The following SOS1 variants were observed in gnomAD, a reference collection of about 807,000 sequenced individuals.
SOS1 encodes son of sevenless homolog 1.
SOS1 carries 25 observed loss-of-function variants against 157.6 expected under a neutral mutation model. That is an observed-to-expected ratio of 0.16 (90% CI 0.12 to 0.22). The LOEUF (loss-of-function observed/expected upper bound fraction) is 0.22. Among genes scored for constraint, SOS1 ranks in the 10% least tolerant of loss-of-function variants. SOS1 has a pLI of 1.00. For missense variants in SOS1, 1,237 were observed against 1,599.1 expected (o/e 0.77, Z 3.86); for synonymous variants, 528 against 534.0 (o/e 0.99, Z 0.16).
At chr2:39,089,692 A>C (rs934256439) in intron 1 of SOS1, among the ~76,000 whole-genome samples, 3 of 152,184 alleles carry the variant, frequency 2.0e-5, no homozygotes, top group African/African-American at 7.2e-5. Flanking sequence ...GAGGGCAGTG[A>C]CTGTCTCACT....
intron 1 of SOS1, among the ~76,000 whole-genome samples, chr2:39,069,672 C>T (rs893082766): frequency 1.3e-5 from 2 of 152,004 alleles, no homozygotes; most frequent in African/African-American, 4.8e-5. Context: ...CTCCGCCTCC[C>T]TAGTAGCTGG....
chr2:38,987,841 A>G (rs1668600415), intron 21 of SOS1: 1 of 434,888 alleles, frequency 2.3e-6, no homozygotes, highest in Non-Finnish European at 4.2e-6. Flanking sequence ...GAACAAAATA[A>G]CATTCCCATG....
Position 38,987,458 on chromosome 2 carries a change from G to C in SOS1, c.3510+15C>G, listed in dbSNP as rs1251219074. The C allele has an allele frequency of 1.5e-6, 2 of 1,320,758 alleles. No individual in the cohort carries two copies. Among genetic ancestry groups the C allele is most frequent in the Admixed American group, 1.7e-5 (1 of 57,426 alleles). 81.8% of individuals were successfully genotyped at this position (1,320,758 alleles called of 1,614,324 possible). ...AATGATTCCAATTTCTACACAACAA[G>C]ATTTCTTACTTTACCTTAGATGGTG... On this transcript the variant is annotated intron_variant, in intron 22 of 22. Transcript: ENST00000402219.
At chr2:39,112,002 TA>T (rs1673455742) in intron 1 of SOS1, among the ~76,000 whole-genome samples, 1 of 151,924 alleles carries the variant, frequency 6.6e-6, no homozygotes, top group Non-Finnish European at 1.5e-5. Context: ...TCTGGAATCT[TA>T]AAACTCCAAA....
chr2:38,988,411 CTT>C (rs1572798239), intron 21 of SOS1, among the ~76,000 whole-genome samples: 1 of 151,984 alleles, frequency 6.6e-6, no homozygotes, highest in African/African-American at 2.4e-5. Context: ...GAAAACAACA[CTT>C]AAGTTAGTTG....
chr2:38,996,365 C>G (rs1485268635), intron 19 of SOS1, among the ~76,000 whole-genome samples: 1 of 152,220 alleles, frequency 6.6e-6, no homozygotes, highest in Non-Finnish European at 1.5e-5. Context: ...GTTGGGATTA[C>G]AGGCACGAGC....
intron 5 of SOS1, among the ~76,000 whole-genome samples, chr2:39,054,103 A>G (rs1439074712): frequency 6.6e-6 from 1 of 151,906 alleles, no homozygotes; most frequent in Non-Finnish European, 1.5e-5. Context: ...AATTTTTTGT[A>G]TTTTTAGTAG....
At chr2:39,121,481 T>TC (rs1673893657), upstream of SOS1, among the ~76,000 whole-genome samples, 4 of 152,222 alleles carry the variant, frequency 2.6e-5, no homozygotes, top group African/African-American at 9.6e-5. Context: ...GTAGAAGTGA[T>TC]TGCGGTGTTT....
intron 6 of SOS1, among the ~76,000 whole-genome samples, chr2:39,037,783 AG>A (rs1670408237): frequency 6.6e-6 from 1 of 152,152 alleles, no homozygotes; most frequent in African/African-American, 2.4e-5. Context: ...TGAAAATCCT[AG>A]GGCCCTTAAG....
chr2:39,084,510 A>T (rs1672306437), intron 1 of SOS1, among the ~76,000 whole-genome samples: 1 of 152,164 alleles, frequency 6.6e-6, no homozygotes, highest in South Asian at 2.1e-4. Flanking sequence ...TGTGAAGAGA[A>T]GAGAAGAAAA....
chr2:39,054,079 C>A (rs1307728248), intron 5 of SOS1, among the ~76,000 whole-genome samples: 2 of 152,170 alleles, frequency 1.3e-5, no homozygotes, highest in Non-Finnish European at 2.9e-5. Flanking sequence ...AGACGCTCGC[C>A]ACCACGCCCG....
At chr2:39,108,744 T>C (rs1042443931) in intron 1 of SOS1, among the ~76,000 whole-genome samples, 2 of 151,982 alleles carry the variant, frequency 1.3e-5, no homozygotes, top group Admixed American at 6.6e-5. Flanking sequence ...TTTTTAAAAA[T>C]TAGCCAGGAG....
Position 39,010,376 on chromosome 2 carries a change from A to C in SOS1, c.2510+208T>G, listed in dbSNP as rs146734052. On this transcript the variant is annotated intron_variant, in intron 15 of 22. Transcript: ENST00000402219. Reference sequence around the variant, plus strand: ...TAAAATTAGGTGAGTGTGATATCACACACTTGTAATCCTGGTTACTCTGGA... The same window carrying C: ...TAAAATTAGGTGAGTGTGATATCACCCACTTGTAATCCTGGTTACTCTGGA... 5.3e-5 allele frequency among the ~76,000 whole-genome samples: 8 copies of C among 151,880 alleles called. No homozygotes were observed. The East Asian group carries it at 1.5e-3, about 29-fold the overall frequency.
chr2:39,036,400 G>C (rs1439514991), intron 6 of SOS1, among the ~76,000 whole-genome samples: 1 of 152,098 alleles, frequency 6.6e-6, no homozygotes, highest in Non-Finnish European at 1.5e-5. Flanking sequence ...ACCCAGGCTA[G>C]AGTGCCGTAG....
chr2:39,045,237 A>AGAGCGG (rs1670724153), intron 6 of SOS1, among the ~76,000 whole-genome samples: 1 of 75,584 alleles, frequency 1.3e-5, no homozygotes, highest in Non-Finnish European at 2.4e-5. Context: ...GGAATGAGAG[A>AGAGCGG]GAGAGGGAGA....
chr2:39,042,992 G>A (rs1670626237), intron 6 of SOS1, among the ~76,000 whole-genome samples: 1 of 152,006 alleles, frequency 6.6e-6, no homozygotes, highest in Admixed American at 6.6e-5. Context: ...ACTTTGTCTT[G>A]TCTATTCCTT....
chr2:39,035,263 C>T lies in SOS1; in HGVS notation c.1023G>A (p.Arg341=), dbSNP rs1438650277. ...AGTGGTAAACAGGGGCCAGAAGCAG[C>T]CTGGGTAAAACATATTGAACAGCTT... ...FKEAVQYVLP[R]LLLAPVYHCL... Residue 341 remains arginine (R), a synonymous_variant, in exon 8 of 23, where the codon AGG becomes AGA. Transcript: ENST00000402219. 6.2e-7 allele frequency: 1 copy of T among 1,613,842 alleles called. No individual in the cohort carries two copies. The highest frequency in any genetic ancestry group is 1.1e-5 in the South Asian group (1 of 91,062).
intron 8 of SOS1, chr2:39,034,856 A>G (rs1203755503): frequency 2.2e-6 from 1 of 461,574 alleles, no homozygotes; most frequent in South Asian, 1.5e-5. Flanking sequence ...CCCCAAATGG[A>G]AACTGCGATG....
chr2:39,058,022 A>G, intron 3 of SOS1, among the ~76,000 whole-genome samples: 1 of 152,234 alleles, frequency 6.6e-6, no homozygotes, highest in Middle Eastern at 3.4e-3. Flanking sequence ...AATGTATACA[A>G]GTATTAGCAT....
Sources: allele counts gnomAD v4.1 joint callset (sites outside exome capture counted in the v4.1 genomes callset), GRCh38; gene constraint gnomAD v4.1.1; transcripts MANE v1.5; gene names NCBI Gene and HGNC (gene_info 2026-07-23, HGNC 2026-07-21).